RPTOR: variants seen among roughly 807,000 people sequenced by gnomAD.
RPTOR encodes regulatory-associated protein of mTOR.
In RPTOR, 21 loss-of-function variants were observed where a neutral mutation model predicts 169.9. That is an observed-to-expected ratio of 0.12 (90% confidence interval 0.09 to 0.18). The LOEUF is 0.18. RPTOR is among the 10% of genes least tolerant of loss of function. The pLI is 1.00. For synonymous variants in RPTOR, 732 were observed against 753.2 expected, an observed-to-expected ratio of 0.97 and a Z score of 0.46; for missense variants, 1,133 against 1,855.9, an observed-to-expected ratio of 0.61 and a Z score of 7.16.
At chr17:80,887,345 T>G (rs1307104965) in intron 17 of RPTOR, among the ~76,000 whole-genome samples, 6 of 86,146 alleles carry the variant, frequency 7.0e-5, no homozygotes, top group Non-Finnish European at 1.2e-4. Context: ...GGGTGCCAGC[T>G]CGGGGGGTGT....
At chr17:80,643,199 A>G (rs1003177106) in intron 2 of RPTOR, among the ~76,000 whole-genome samples, 5 of 152,198 alleles carry the variant, frequency 3.3e-5, no homozygotes, top group African/African-American at 1.2e-4. Context: ...TTGCCCTGGA[A>G]CCCACTCCTG....
rs1414542416 is a variant in RPTOR, at chr17:80,695,159, G to A, written c.349-12682G>A. On this transcript the variant is annotated intron_variant, in intron 3 of 33. Transcript: ENST00000306801. The surrounding 1 kb of genome is among the most constrained non-coding windows in gnomAD (Gnocchi z 4.9). Reference sequence around the variant, plus strand: ...GCGATGGCAGTGCCCACTGCATGGTGGTAAGAGTGAGGCGGGTAGAATGCA... The same window carrying A: ...GCGATGGCAGTGCCCACTGCATGGTAGTAAGAGTGAGGCGGGTAGAATGCA... 6.6e-6 allele frequency among the ~76,000 whole-genome samples: 1 copy of A among 152,162 alleles called. No individual in the cohort carries two copies. Among genetic ancestry groups the A allele is most frequent in the Non-Finnish European group, 1.5e-5 (1 of 68,030 alleles).
intron 5 of RPTOR, chr17:80,743,329 T>C (rs371354338): frequency 9.3e-5 from 92 of 985,466 alleles, no homozygotes; most frequent in Non-Finnish European, 1.0e-4. Context: ...CTCTTGCAGG[T>C]TCCGCCGTGC....
chr17:80,548,078 CTTTTTT>C (rs55928458), intron 1 of RPTOR, among the ~76,000 whole-genome samples: 10 of 102,764 alleles, frequency 9.7e-5, no homozygotes, highest in Admixed American at 2.0e-4. Context: ...TTTTCTGTTT[CTTTTTT>C]TTTTTTTTTT....
chr17:80,683,515 C>T (rs1165432715), intron 3 of RPTOR, among the ~76,000 whole-genome samples: 3 of 152,146 alleles, frequency 2.0e-5, no homozygotes. Flanking sequence ...CTACCCTGTT[C>T]CTTGTGCTGG....
chr17:80,945,916 T>G (rs1356429381), intron 26 of RPTOR, 135 bp downstream of exon 26: 4 of 504,348 alleles, frequency 7.9e-6, no homozygotes, highest in African/African-American at 2.0e-5. Context: ...TAGCACTGTT[T>G]CCTGAGAAAC....
chr17:80,905,217 C>T (rs1364633324), intron 20 of RPTOR, among the ~76,000 whole-genome samples: 1 of 151,702 alleles, frequency 6.6e-6, no homozygotes, highest in African/African-American at 2.4e-5. Context: ...GTTTTGTTTT[C>T]AAATATTTTC....
At position 80,954,849 on chromosome 17, in the gene RPTOR, G is replaced by A. The variant is rs185493427; in HGVS notation, c.3371-2775G>A. Among the ~76,000 whole-genome samples, 155 of 152,172 alleles carry A rather than the reference G, an allele frequency of 1.0e-3. 3 individuals are homozygous for A. In the East Asian group the frequency reaches 0.027, roughly 26 times the overall value. The stretch of plus-strand genomic sequence containing the variant: ...GGAGAATCACTTGAACCTGGGAGGC[G>A]GAGGTTGCAGTGAGCCAAGATCACA... On this transcript the variant is annotated intron_variant, in intron 28 of 33. Coordinates refer to ENST00000306801, the MANE Select transcript of RPTOR (RefSeq NM_020761.3).
At chr17:80,856,130 C>A (rs545700079) in intron 12 of RPTOR, among the ~76,000 whole-genome samples, 3 of 152,184 alleles carry the variant, frequency 2.0e-5, no homozygotes, top group Non-Finnish European at 4.4e-5. Context: ...CAAGGAAACT[C>A]GAGAGACCTA....
intron 2 of RPTOR, among the ~76,000 whole-genome samples, chr17:80,638,593 GGGTCTCATTTTGTT>G (rs1455556752): frequency 2.6e-5 from 4 of 151,720 alleles, no homozygotes; most frequent in Admixed American, 2.0e-4. Context: ...TGTAGAGACG[GGGTCTCATTTTGTT>G]GCCCAGGTTT....
At chr17:80,788,018 C>T (rs985095720) in intron 6 of RPTOR, among the ~76,000 whole-genome samples, 2 of 152,196 alleles carry the variant, frequency 1.3e-5, no homozygotes, top group Non-Finnish European at 2.9e-5. Flanking sequence ...TCCCCTCTAA[C>T]TTTAGCTTGT....
intron 17 of RPTOR, among the ~76,000 whole-genome samples, chr17:80,888,739 G>A (rs1006294570): frequency 1.3e-5 from 2 of 152,248 alleles, no homozygotes; most frequent in African/African-American, 4.8e-5. Flanking sequence ...TGTCAGGCAC[G>A]TGCCACGTGC....
chr17:80,830,565 G>A (rs932581093), intron 9 of RPTOR, among the ~76,000 whole-genome samples: 10 of 152,290 alleles, frequency 6.6e-5, no homozygotes, highest in East Asian at 1.9e-4. Flanking sequence ...CGGTGCCCCC[G>A]CGCTGGGCCA....
Position 80,625,810 on chromosome 17 carries a change from C to T in RPTOR, c.265+17C>T. ...GCTGGATCGGTGAGTATGCCTCCCT[C>T]ACGCGCTGCCACAAAGGCCGTCTGG... On this transcript the variant is annotated intron_variant, in intron 2 of 33. Transcript: ENST00000306801. 1 of 1,555,794 alleles carries T rather than the reference C, an allele frequency of 6.4e-7. No homozygotes were observed. Among genetic ancestry groups the T allele is most frequent in the Non-Finnish European group, 8.9e-7 (1 of 1,127,990 alleles).
At chr17:80,617,823 G>A (rs986266842) in intron 1 of RPTOR, among the ~76,000 whole-genome samples, 1 of 152,126 alleles carries the variant, frequency 6.6e-6, no homozygotes, top group African/African-American at 2.4e-5. Context: ...GCGCACGCTA[G>A]GCCTCAAGGT....
In RPTOR at chr17:80,863,115, C is replaced by T. The variant is rs369068013; in HGVS notation, c.1509+5215C>T. Among the ~76,000 whole-genome samples, 143 of 152,280 alleles carry T rather than the reference C, an allele frequency of 9.4e-4. 1 individual carries two copies. The Middle Eastern group carries it at 0.014, about 14-fold the overall frequency. The stretch of plus-strand genomic sequence containing the variant: ...AGGTGGGCTCGGGCGGAAGAAAAGA[C>T]GGAAGAACACCATGTGCCACCGGGG... On this transcript the variant is annotated intron_variant, in intron 13 of 33. Transcript: ENST00000306801.
intron 3 of RPTOR, among the ~76,000 whole-genome samples, chr17:80,686,814 C>G (rs2065951699): frequency 6.6e-6 from 1 of 152,148 alleles, no homozygotes; most frequent in African/African-American, 2.4e-5. Flanking sequence ...AGCACCTGCG[C>G]TTCAGAGTAA....
rs1403752643 is a variant in RPTOR, at chr17:80,883,882, C to A, written c.1752C>A (p.Ile584=). The change falls in exon 16 of 34, where the codon ATC becomes ATA. Residue 584 remains isoleucine (I), a synonymous_variant. Transcript: ENST00000306801. ...RQWVAICLGR[I]WQNFDSARWC... is the part of the protein sequence containing the mutation. ...GGGTGGCCATCTGCCTCGGCAGGATCTGGCAGAACTTCGACTCGGCGAGGT... is the reference window on the plus strand; with the variant it reads ...GGGTGGCCATCTGCCTCGGCAGGATATGGCAGAACTTCGACTCGGCGAGGT... The A allele has an allele frequency of 6.2e-7, 1 of 1,613,748 alleles. No individual in the cohort carries two copies. The highest frequency in any genetic ancestry group is 8.5e-7 in the Non-Finnish European group (1 of 1,180,036).
rs117316452 is a variant in RPTOR at position 80,661,418 on chromosome 17, G to A, written c.348+17608G>A. ...CTAGGTCTCAGCAGAGGAGTCGCGC[G>A]GGAGCCCCAGGACTCACTCTCCTTG... On this transcript the variant is annotated intron_variant, in intron 3 of 33. Coordinates refer to ENST00000306801, the MANE Select transcript of RPTOR (RefSeq NM_020761.3). Among the ~76,000 whole-genome samples the A allele has an allele frequency of 5.9e-5, 9 of 152,274 alleles. No individual in the cohort carries two copies. The East Asian group carries it at 9.7e-4, about 16-fold the overall frequency.
Sources: gnomAD v4.1 joint callset for allele counts (sites outside exome capture counted in the v4.1 genomes callset) on GRCh38, gnomAD v4.1.1 for gene constraint, Gnocchi (gnomAD v3.1) non-coding constraint, MANE v1.5 for transcripts, NCBI Gene and HGNC (gene_info 2026-07-23, HGNC 2026-07-21) for gene names.